The following PRIMPOL variants were observed in gnomAD, a reference collection of about 807,000 sequenced individuals.
PRIMPOL encodes primase and DNA directed polymerase.
In PRIMPOL, 54 loss-of-function variants were observed where a neutral mutation model predicts 63.6. The ratio of observed to expected loss-of-function variants is 0.85; its 90% CI spans 0.68 to 1.07. The LOEUF is 1.07. PRIMPOL is among the 50% of genes least tolerant of loss of function. The pLI is 0.00. For missense variants in PRIMPOL, 610 were observed against 648.3 expected (o/e 0.94, Z 0.64); for synonymous variants, 197 against 220.2 (o/e 0.89, Z 0.93).
intron 7 of PRIMPOL, among the ~76,000 whole-genome samples, chr4:184,676,323 T>TCCCTC: frequency 9.1e-6 from 1 of 109,888 alleles, no homozygotes; most frequent in Non-Finnish European, 1.8e-5. Flanking sequence ...TCCCTTCCCT[T>TCCCTC]TCCTTCCCTT....
chr4:184,678,743 G>T (rs1754794035), intron 8 of PRIMPOL, among the ~76,000 whole-genome samples: 1 of 152,002 alleles, frequency 6.6e-6, no homozygotes, highest in South Asian at 2.1e-4. Context: ...AGCCAGGCTT[G>T]TCTCGAACTC....
chr4:184,681,117 G>A (rs1755509480), intron 8 of PRIMPOL, among the ~76,000 whole-genome samples: 1 of 152,184 alleles, frequency 6.6e-6, no homozygotes, highest in African/African-American at 2.4e-5. Flanking sequence ...TGTCTTTTGT[G>A]TATTCCAAGT....
chr4:184,665,326 C>G (rs1435014769), intron 5 of PRIMPOL, among the ~76,000 whole-genome samples: 1 of 152,184 alleles, frequency 6.6e-6, no homozygotes, highest in Non-Finnish European at 1.5e-5. Flanking sequence ...AAAGCCAAAA[C>G]TGACACTGAC....
At chr4:184,666,201 C>T in intron 6 of PRIMPOL, 137 bp downstream of exon 6, 1 of 622,190 alleles carries the variant, frequency 1.6e-6, no homozygotes. Context: ...AGGCTGAGTG[C>T]AGTGGCTCAC....
At chr4:184,675,503 G>T (rs948708745) in intron 7 of PRIMPOL, among the ~76,000 whole-genome samples, 2 of 151,820 alleles carry the variant, frequency 1.3e-5, no homozygotes, top group African/African-American at 4.8e-5. Flanking sequence ...TCAAATTGTT[G>T]TAAGTCCCCC....
chr4:184,677,790 T>C (rs1387409744), intron 7 of PRIMPOL, among the ~76,000 whole-genome samples: 1 of 152,252 alleles, frequency 6.6e-6, no homozygotes, highest in Non-Finnish European at 1.5e-5. Context: ...CCCATCTGTT[T>C]ACTTAGGTAT....
intron 7 of PRIMPOL, among the ~76,000 whole-genome samples, chr4:184,672,942 G>T (rs1752212192): frequency 6.6e-6 from 1 of 152,072 alleles, no homozygotes; most frequent in Non-Finnish European, 1.5e-5. Context: ...AACCCAGTGT[G>T]GTTTGCTAGG....
At chr4:184,668,156 G>A (rs140675981) in intron 6 of PRIMPOL, among the ~76,000 whole-genome samples, 375 of 152,220 alleles carry the variant, frequency 2.5e-3, no homozygotes, top group Middle Eastern at 0.017. Flanking sequence ...TGTTCTAGAC[G>A]TCAGACCCAT....
At chr4:184,665,839 A>G in intron 5 of PRIMPOL, 78 bp from the exon 6 acceptor site, 3 of 938,846 alleles carry the variant, frequency 3.2e-6, no homozygotes, top group Non-Finnish European at 4.7e-6. Flanking sequence ...TAGATGATAT[A>G]TAAAGAGATG....
intron 9 of PRIMPOL, among the ~76,000 whole-genome samples, chr4:184,682,920 C>T (rs1048709282): frequency 3.3e-5 from 5 of 151,986 alleles, no homozygotes; most frequent in Admixed American, 2.0e-4. Context: ...AATTGTGGTG[C>T]ATGCCTGTAG....
At position 184,678,395 on chromosome 4, in the gene PRIMPOL, G is replaced by T. The variant is rs1468893498; in HGVS notation, c.1007+1G>T. 1 of 1,597,520 alleles carries T rather than the reference G, an allele frequency of 6.3e-7. No individual in the cohort carries two copies. The highest frequency in any genetic ancestry group is 8.5e-7 in the Non-Finnish European group (1 of 1,173,454). On this transcript the variant is annotated splice_donor_variant, in intron 8 of 13. Coordinates refer to ENST00000314970, the MANE Select transcript of PRIMPOL (RefSeq NM_152683.4). LOFTEE classifies it high-confidence loss of function. ...TCTCTTCTTTGGTCAGCAATGTCAG[G>T]TATGTAGTAGCAGCATCAAACCATT...
At chr4:184,669,013 G>A (rs898815232) in intron 6 of PRIMPOL, among the ~76,000 whole-genome samples, 1 of 152,008 alleles carries the variant, frequency 6.6e-6, no homozygotes, top group African/African-American at 2.4e-5. Context: ...TAGCGCTTGG[G>A]CCTTTGCACT....
intron 8 of PRIMPOL, 131 bp downstream of exon 8, chr4:184,678,525 CTTTT>C (rs767532493): frequency 9.2e-3 from 3,074 of 333,932 alleles, no homozygotes; most frequent in Middle Eastern, 0.017. Flanking sequence ...TCTTACAGCT[CTTTT>C]TTTTTTTTTT....
intron 6 of PRIMPOL, among the ~76,000 whole-genome samples, chr4:184,668,449 C>T (rs55746424): frequency 0.1 from 15,346 of 152,328 alleles, 902 homozygotes; most frequent in Middle Eastern, 0.16. Context: ...GCATGGATGC[C>T]GTAGCTTGCA....
At chr4:184,678,589 G>A (rs181721765) in intron 8 of PRIMPOL, among the ~76,000 whole-genome samples, 195 bp downstream of exon 8, 200 of 146,802 alleles carry the variant, frequency 1.4e-3, no homozygotes, top group Non-Finnish European at 8.3e-4. Context: ...GTGCAGTGGC[G>A]CTATCTAGGC....
At chr4:184,678,174 C>G in intron 7 of PRIMPOL, 58 bp from the exon 8 acceptor site, 1 of 1,121,562 alleles carries the variant, frequency 8.9e-7, no homozygotes, top group Non-Finnish European at 1.3e-6. Context: ...TATTTGCTGA[C>G]TATGAAACTA....
intron 8 of PRIMPOL, among the ~76,000 whole-genome samples, chr4:184,679,990 T>C (rs1224286770): frequency 6.6e-6 from 1 of 152,156 alleles, no homozygotes; most frequent in Non-Finnish European, 1.5e-5. Context: ...CAAAACAACA[T>C]TATTCAAAGA....
intron 4 of PRIMPOL, among the ~76,000 whole-genome samples, chr4:184,660,338 G>A (rs1441402306): frequency 2.6e-5 from 4 of 151,684 alleles, no homozygotes; most frequent in East Asian, 3.9e-4. Flanking sequence ...CTGCCACCAC[G>A]CCTGGCTAAT....
Position 184,672,377 on chromosome 4 carries a change from G to A in PRIMPOL, c.761G>A (p.Gly254Glu), listed in dbSNP as rs114174581. 8.1e-6 allele frequency: 13 copies of A among 1,614,084 alleles called. No individual in the cohort carries two copies. In the African/African-American group the frequency reaches 1.7e-4, roughly 22 times the overall value. The change falls in exon 7 of 14, where the codon GGG becomes GAG. Residue 254 changes from glycine to glutamate, a missense_variant. Gly to Glu is a moderately conservative substitution (Grantham distance 98, BLOSUM62 -2). This residue lies in a region of PRIMPOL where 444 missense variants were observed against 456.4 expected (regional missense o/e 0.97). Coordinates refer to ENST00000314970, the MANE Select transcript of PRIMPOL (RefSeq NM_152683.4). ...AATTCAAAGAAACTGGAGAGGCTGG[G>A]GTCAGCTGAGCAAAGCAGTCCTGAC... ...TSNSKKLERL[G>E]SAEQSSPDLS...
Sources: gnomAD v4.1 joint callset for allele counts (sites outside exome capture counted in the v4.1 genomes callset) on GRCh38, gnomAD v4.1.1 for gene constraint, gnomAD v4.1.1 regional missense constraint, MANE v1.5 for transcripts, NCBI Gene and HGNC (gene_info 2026-07-23, HGNC 2026-07-21) for gene names.